FRK: variants seen among roughly 807,000 people sequenced by gnomAD.
The protein encoded by FRK is tyrosine-protein kinase FRK.
A neutral mutation model predicts 56.4 loss-of-function variants in FRK; 51 were observed. The ratio of observed to expected loss-of-function variants is 0.90; its 90% CI spans 0.72 to 1.14. The LOEUF is 1.14. Among genes scored for constraint, FRK ranks in the 50% most tolerant of loss-of-function variants. The probability of loss-of-function intolerance (pLI) is 0.00; values close to 1 mark genes in which losing one functional copy is unlikely to be tolerated. For synonymous variants in FRK, 245 were observed against 217.9 expected (o/e 1.12, Z -1.10); for missense variants, 570 against 601.4 (o/e 0.95, Z 0.55).
intron 2 of FRK, among the ~76,000 whole-genome samples, chr6:116,003,098 C>A (rs896186350): frequency 2.0e-5 from 3 of 152,250 alleles, no homozygotes; most frequent in African/African-American, 7.2e-5. Context: ...TCTCCCTCCA[C>A]AAGGTTCACA....
At chr6:116,082,357 C>G in the FRK span, among the ~76,000 whole-genome samples, 1 of 152,112 alleles carries the variant, frequency 6.6e-6, no homozygotes, top group Non-Finnish European at 1.5e-5. Context: ...TAAAGAAGCT[C>G]TCTGCCTTGG....
intron 1 of FRK, among the ~76,000 whole-genome samples, chr6:116,016,224 T>G (rs1024386177): frequency 3.9e-5 from 6 of 152,142 alleles, no homozygotes; most frequent in Admixed American, 3.3e-4. Context: ...CTTGGTGCCC[T>G]ATGTCTCAGC....
At chr6:116,075,181 T>C in the FRK span, among the ~76,000 whole-genome samples, 2 of 152,182 alleles carry the variant, frequency 1.3e-5, no homozygotes, top group East Asian at 1.9e-4. Flanking sequence ...CTGTGAATCA[T>C]GAACAGATTC....
At chr6:115,969,777 T>C (rs1327617083) in intron 2 of FRK, among the ~76,000 whole-genome samples, 1 of 152,142 alleles carries the variant, frequency 6.6e-6, no homozygotes, top group African/African-American at 2.4e-5. Context: ...AGCAGCCCAG[T>C]GGGAGGCAGT....
At chr6:116,047,783 T>A (rs1348161259) in intron 1 of FRK, among the ~76,000 whole-genome samples, 1 of 152,220 alleles carries the variant, frequency 6.6e-6, no homozygotes, top group Non-Finnish European at 1.5e-5. Flanking sequence ...AGGATTTTTA[T>A]GGCAGTTGCA....
At position 115,943,787 on chromosome 6, in the gene FRK, T is replaced by C. The variant is rs576012705; in HGVS notation, c.1140+457A>G. Among the ~76,000 whole-genome samples, 78 of 152,238 alleles carry C rather than the reference T, an allele frequency of 5.1e-4. 2 individuals are homozygous for C. In the South Asian group the frequency reaches 0.015, roughly 29 times the overall value. ...TAATTTAAGAGAAAAGCACCTAATATTATATCTCCTATATAGTATCTTTCA... is the reference window on the plus strand; with the variant it reads ...TAATTTAAGAGAAAAGCACCTAATACTATATCTCCTATATAGTATCTTTCA... On this transcript the variant is annotated intron_variant, in intron 6 of 7. Coordinates refer to ENST00000606080, the MANE Select transcript of FRK (RefSeq NM_002031.3).
the FRK span, among the ~76,000 whole-genome samples, chr6:116,092,763 C>A: frequency 6.6e-6 from 1 of 152,196 alleles, no homozygotes; most frequent in East Asian, 1.9e-4. Flanking sequence ...GGGACCGTTG[C>A]GAGTTCTTGG....
Position 115,956,574 on chromosome 6 carries a change from T to G in FRK, c.836A>C (p.Gln279Pro), listed in dbSNP as rs1233770824. 6.3e-7 allele frequency: 1 copy of G among 1,585,986 alleles called. No homozygotes were observed. ...MDPNDFLREA[Q>P]IMKNLRHPKL... ...TGGATGTCTTAGGTTCTTCATTATC[T>G]GTGCCTCCCTCAGGAAGTCATTTGG... is the stretch of plus-strand genomic sequence containing the variant. Residue 279 changes from glutamine (Q) to proline (P), a missense_variant, in exon 5 of 8, where the codon CAG (glutamine) becomes CCG (proline). Coordinates refer to ENST00000606080, the MANE Select transcript of FRK (RefSeq NM_002031.3).
intron 2 of FRK, among the ~76,000 whole-genome samples, chr6:115,992,460 T>C (rs1774650548): frequency 2.0e-5 from 3 of 151,782 alleles, no homozygotes; most frequent in African/African-American, 4.8e-5. Context: ...AATGTATGAA[T>C]CAATGATTAA....
At chr6:115,953,180 ATT>A (rs1554224845) in intron 5 of FRK, among the ~76,000 whole-genome samples, 2,409 of 102,826 alleles carry the variant, frequency 0.023, 12 homozygotes, top group Non-Finnish European at 0.03. Context: ...TTTTAAGGCC[ATT>A]TTTTTTTTTT....
intron 1 of FRK, among the ~76,000 whole-genome samples, chr6:116,031,620 T>A (rs1347391509): frequency 1.3e-5 from 2 of 152,110 alleles, no homozygotes; most frequent in African/African-American, 4.8e-5. Context: ...ACTCAATGGA[T>A]CTGTGTACAT....
intron 1 of FRK, among the ~76,000 whole-genome samples, chr6:116,033,224 T>A (rs868102659): frequency 6.6e-6 from 1 of 152,132 alleles, no homozygotes; most frequent in African/African-American, 2.4e-5. Context: ...ACATTTCAAT[T>A]CAAATATCTA....
the FRK span, among the ~76,000 whole-genome samples, chr6:116,072,790 C>T: frequency 6.6e-6 from 1 of 152,080 alleles, no homozygotes; most frequent in Non-Finnish European, 1.5e-5. Context: ...TTTAACCTAA[C>T]CCATACTAAC....
At chr6:116,015,263 T>C (rs999925109) in intron 1 of FRK, among the ~76,000 whole-genome samples, 3 of 152,134 alleles carry the variant, frequency 2.0e-5, no homozygotes, top group Non-Finnish European at 2.9e-5. Context: ...CAAGAGCTGA[T>C]GGTTTAAAAG....
intron 2 of FRK, among the ~76,000 whole-genome samples, chr6:115,974,612 T>C (rs1441563580): frequency 1.3e-5 from 2 of 152,034 alleles, no homozygotes; most frequent in Middle Eastern, 6.3e-3. Context: ...AATAAAAGAG[T>C]AGGCTTTTTA....
chr6:115,940,679 A>G lies in FRK; in HGVS notation c.*1735T>C, dbSNP rs1249928951. 6.6e-6 allele frequency: 1 copy of G among 152,260 alleles called. No individual in the cohort carries two copies. Among genetic ancestry groups the G allele is most frequent in the Non-Finnish European group, 1.5e-5 (1 of 68,046 alleles). 9.4% of individuals were successfully genotyped at this position (152,260 alleles called of 1,614,324 possible). On this transcript the variant is annotated 3_prime_UTR_variant, in exon 8 of 8. Coordinates refer to ENST00000606080, the MANE Select transcript of FRK (RefSeq NM_002031.3). The stretch of plus-strand genomic sequence containing the variant: ...CAAAAAGTGGGCGAAGGATTTGAAC[A>G]GACACATTTCAAAAGAAGATATTTA...
At chr6:116,096,464 C>A in the FRK span, among the ~76,000 whole-genome samples, 1 of 152,262 alleles carries the variant, frequency 6.6e-6, no homozygotes, top group South Asian at 2.1e-4. Flanking sequence ...CCAATCAGCA[C>A]TCTGTGTCTA....
chr6:116,060,290 G>A lies in FRK; in HGVS notation c.22C>T (p.Leu8Phe). The A allele has an allele frequency of 6.2e-7, 1 of 1,613,828 alleles. No homozygotes were observed. Among genetic ancestry groups the A allele is most frequent in the Non-Finnish European group, 8.5e-7 (1 of 1,179,858 alleles). The change falls in exon 1 of 8, where the codon CTC (leucine) becomes TTC (phenylalanine). Residue 8 changes from leucine (L) to phenylalanine (F), a missense_variant. Coordinates refer to ENST00000606080, the MANE Select transcript of FRK (RefSeq NM_002031.3). ...AGATAGGGTTCTAGGTACTCCCAGA[G>A]CCTCTGACAGATGTTGCTCATTGTG... MSNICQR[L>F]WEYLEPYLPC...
At chr6:116,045,505 T>C (rs1022364720) in intron 1 of FRK, among the ~76,000 whole-genome samples, 5 of 152,302 alleles carry the variant, frequency 3.3e-5, no homozygotes, top group African/African-American at 1.2e-4. Context: ...ATTGAATAAA[T>C]GGTGTTGGGA....
Sources: allele counts gnomAD v4.1 joint callset (sites outside exome capture counted in the v4.1 genomes callset), GRCh38; gene constraint gnomAD v4.1.1; transcripts MANE v1.5; gene names NCBI Gene and HGNC (gene_info 2026-07-23, HGNC 2026-07-21).